The following WDR1 variants were observed in gnomAD, a reference collection of about 807,000 sequenced individuals.
The protein encoded by WDR1 is WD repeat-containing protein 1.
A neutral mutation model predicts 71.9 loss-of-function variants in WDR1; 21 were observed. The observed-to-expected ratio is 0.29, with a 90% CI of 0.21 to 0.42. The LOEUF (loss-of-function observed/expected upper bound fraction) is 0.42. Among genes scored for constraint, WDR1 ranks in the 10% least tolerant of loss-of-function variants. WDR1 has a pLI of 1.00. For synonymous variants in WDR1, 424 were observed against 347.4 expected (o/e 1.22, Z -2.45); for missense variants, 696 against 824.5 (o/e 0.84, Z 1.91).
chr4:10,084,330 G>A, intron 9 of WDR1, 113 bp downstream of exon 9: 2 of 907,408 alleles, frequency 2.2e-6, no homozygotes, highest in Non-Finnish European at 3.5e-6. Flanking sequence ...AGAGCGTGTG[G>A]CTGTGGCTGC....
At chr4:10,107,288 A>G (rs891694426) in intron 2 of WDR1, among the ~76,000 whole-genome samples, 2 of 152,158 alleles carry the variant, frequency 1.3e-5, no homozygotes, top group African/African-American at 4.8e-5. Context: ...AGGCCTGCCC[A>G]GTTTTCCTTG....
rs142345477 is a variant in WDR1 at position 10,110,582 on chromosome 4, T to G, written c.138+5531A>C. Among the ~76,000 whole-genome samples, 60 of 152,174 alleles carry G rather than the reference T, an allele frequency of 3.9e-4. No individual in the cohort carries two copies. The East Asian group carries it at 6.6e-3, about 17-fold the overall frequency. On this transcript the variant is annotated intron_variant, in intron 2 of 14. Transcript: ENST00000499869. ...CTCAACGCTCCTCCTGGAGAACTCT[T>G]ATTCATCCTTCAAGACCCAACTCAA...
At chr4:10,079,264 C>T (rs1764921067) in intron 11 of WDR1, among the ~76,000 whole-genome samples, 1 of 151,892 alleles carries the variant, frequency 6.6e-6, no homozygotes, top group Non-Finnish European at 1.5e-5. Context: ...CCAAGGCAGT[C>T]ACCACAGCAC....
Position 10,078,905 on chromosome 4 carries a change from C to A in WDR1, c.1381G>T (p.Ala461Ser). 1 of 1,612,480 alleles carries A rather than the reference C, an allele frequency of 6.2e-7. No homozygotes were observed. Among genetic ancestry groups the A allele is most frequent in the Non-Finnish European group, 8.5e-7 (1 of 1,179,166 alleles). The change falls in exon 12 of 15, where the codon GCA (alanine) becomes TCA (serine). Residue 461 changes from alanine to serine, a missense_variant. Transcript: ENST00000499869. ...AAGCGACTTACCACACCCCCAATTG[C>A]CACCGTGTCCCCGCCGGGGTGCACT... is the stretch of plus-strand genomic sequence containing the variant. ...VAVHPGGDTV[A>S]IGGVDGNVRL... is the part of the protein sequence containing the mutation.
intron 2 of WDR1, among the ~76,000 whole-genome samples, chr4:10,113,705 G>C (rs1577082116): frequency 6.6e-6 from 1 of 152,378 alleles, no homozygotes; most frequent in East Asian, 1.9e-4. Flanking sequence ...GGTGGAGGCA[G>C]AGGAAGCCAG....
At chr4:10,113,718 AAATCTG>A (rs1713533088) in intron 2 of WDR1, among the ~76,000 whole-genome samples, 1 of 152,222 alleles carries the variant, frequency 6.6e-6, no homozygotes, top group Admixed American at 6.5e-5. Flanking sequence ...GAAGCCAGGG[AAATCTG>A]TTAGATTCTG....
chr4:10,088,980 C>T (rs1393203945), intron 5 of WDR1, among the ~76,000 whole-genome samples: 1 of 152,182 alleles, frequency 6.6e-6, no homozygotes, highest in Non-Finnish European at 1.5e-5. Flanking sequence ...CTGATTAGCC[C>T]GAGCGAAGGC....
rs1362943011 is a variant in WDR1, at chr4:10,093,081, T to C, written c.559-4340A>G. ...GAGGCTTGAAGCACTGAGGTCATAATTAAGTACCACACCCATGTCAACATC... is the reference window on the plus strand; with the variant it reads ...GAGGCTTGAAGCACTGAGGTCATAACTAAGTACCACACCCATGTCAACATC... On this transcript the variant is annotated intron_variant, in intron 5 of 14. Coordinates refer to ENST00000499869, the MANE Select transcript of WDR1 (RefSeq NM_017491.5). 6 of 1,289,230 alleles carry C rather than the reference T, an allele frequency of 4.7e-6. No individual in the cohort carries two copies. The African/African-American group carries it at 7.6e-5, about 16-fold the overall frequency. 79.9% of individuals were successfully genotyped at this position (1,289,230 alleles called of 1,614,324 possible).
chr4:10,088,219 G>C (rs1711715621), intron 7 of WDR1, 74 bp downstream of exon 7: 2 of 1,388,432 alleles, frequency 1.4e-6, no homozygotes, highest in Non-Finnish European at 2.0e-6. Flanking sequence ...TAACTCCGGA[G>C]TGAGTGTGGA....
chr4:10,088,563 T>C (rs1269637757), intron 6 of WDR1, 101 bp downstream of exon 6: 7 of 1,193,606 alleles, frequency 5.9e-6, no homozygotes, highest in Non-Finnish European at 8.5e-6. Flanking sequence ...ATGTCTAAGT[T>C]CTGCATGTCA....
At position 10,088,665 on chromosome 4, in the gene WDR1, T is replaced by A. The variant is rs941798757; in HGVS notation, c.635A>T (p.Gln212Leu). 2 of 1,603,570 alleles carry A rather than the reference T, an allele frequency of 1.2e-6. No individual in the cohort carries two copies. Among genetic ancestry groups the A allele is most frequent in the African/African-American group, 2.7e-5 (2 of 74,898 alleles). ...CCCAAAACCCATCCCAGTTCTTACC[T>A]GGCCGTCAGCACTGGCTGTGGCAAA... is the stretch of plus-strand genomic sequence containing the variant. ...NRFATASADGQIYIYDGKTGE... is the reference protein window; with the variant it reads ...NRFATASADGLIYIYDGKTGE... Residue 212 changes from glutamine to leucine, a missense_variant and splice_region_variant, in exon 6 of 15, where the codon CAG becomes CTG. Transcript: ENST00000499869.
chr4:10,088,820 G>T, intron 5 of WDR1, 79 bp from the exon 6 acceptor site: 2 of 1,096,448 alleles, frequency 1.8e-6, no homozygotes, highest in Non-Finnish European at 2.7e-6. Context: ...ATGAAACACA[G>T]CTTGCAGCTC....
intron 1 of WDR1, 111 bp from the exon 2 acceptor site, chr4:10,116,345 G>T (rs111725991): frequency 1.4e-6 from 2 of 1,472,234 alleles, no homozygotes; most frequent in Non-Finnish European, 1.8e-6. Context: ...TGACTGCGCC[G>T]GGAGGGCGGC....
chr4:10,080,725 G>A (rs184366868), intron 11 of WDR1, among the ~76,000 whole-genome samples: 2 of 152,328 alleles, frequency 1.3e-5, no homozygotes, highest in African/African-American at 4.8e-5. Context: ...TGGGTCTCAG[G>A]TGGCTTTGGT....
At position 10,075,377 on chromosome 4, in the gene WDR1, C is replaced by T; in HGVS notation, c.*1G>A. 3 of 1,613,470 alleles carry T rather than the reference C, an allele frequency of 1.9e-6. No homozygotes were observed. The highest frequency in any genetic ancestry group is 2.5e-6 in the Non-Finnish European group (3 of 1,179,548). ...CCATCCAGAGGCGGGGGTGGGGCTC[C>T]TCAGTAGGTGATTGTCCACTCCTTG... On this transcript the variant is annotated 3_prime_UTR_variant, in exon 15 of 15. Transcript: ENST00000499869.
intron 7 of WDR1, 128 bp from the exon 8 acceptor site, chr4:10,088,068 A>G: frequency 2.0e-6 from 2 of 979,882 alleles, no homozygotes; most frequent in Non-Finnish European, 3.0e-6. Context: ...GTGGGACATG[A>G]GTGAGGCCAA....
chr4:10,089,205 T>A (rs1245343934), intron 5 of WDR1, among the ~76,000 whole-genome samples: 1 of 152,152 alleles, frequency 6.6e-6, no homozygotes, highest in African/African-American at 2.4e-5. Context: ...GCCTCCCGGG[T>A]TCACGCCATT....
rs1000689111 is a variant in WDR1, at chr4:10,075,302, T to G, written c.*76A>C. 1.4e-6 allele frequency: 2 copies of G among 1,393,560 alleles called. No individual in the cohort carries two copies. The highest frequency in any genetic ancestry group is 2.0e-6 in the Non-Finnish European group (2 of 991,426). 86.3% of individuals were successfully genotyped at this position (1,393,560 alleles called of 1,614,324 possible). ...GGGGCATGGGGGCGCGTCACAGAAATAGAGAAATGACATGTTCCGCTGCAG... is the reference window on the plus strand; with the variant it reads ...GGGGCATGGGGGCGCGTCACAGAAAGAGAGAAATGACATGTTCCGCTGCAG... On this transcript the variant is annotated 3_prime_UTR_variant, in exon 15 of 15. Transcript: ENST00000499869.
rs539096670 is a variant in WDR1 at position 10,088,672 on chromosome 4, C to T, written c.628G>A (p.Asp210Asn). ...CCCATCCCAGTTCTTACCTGGCCGT[C>T]AGCACTGGCTGTGGCAAATCTGTTC... ...DGNRFATASA[D>N]GQIYIYDGKT... Residue 210 changes from aspartate to asparagine, a missense_variant, in exon 6 of 15, where the codon GAC (aspartate) becomes AAC (asparagine). Coordinates refer to ENST00000499869, the MANE Select transcript of WDR1 (RefSeq NM_017491.5). 1 of 1,605,814 alleles carries T rather than the reference C, an allele frequency of 6.2e-7. No homozygotes were observed. The highest frequency in any genetic ancestry group is 1.1e-5 in the South Asian group (1 of 89,014).
Sources: gnomAD v4.1 joint callset for allele counts (sites outside exome capture counted in the v4.1 genomes callset) on GRCh38, gnomAD v4.1.1 for gene constraint, MANE v1.5 for transcripts, NCBI Gene and HGNC (gene_info 2026-07-23, HGNC 2026-07-21) for gene names.